The following CHN2 variants were observed in gnomAD, a reference collection of about 807,000 sequenced individuals.
The protein encoded by CHN2 is beta-chimaerin.
In CHN2, 35 loss-of-function variants were observed where a neutral mutation model predicts 56.3. The ratio of observed to expected loss-of-function variants is 0.62; its 90% CI spans 0.47 to 0.82. The LOEUF is 0.82. CHN2 is among the 40% of genes least tolerant of loss of function. CHN2 has a pLI of 0.00. For missense variants in CHN2, 491 were observed against 580.5 expected, an observed-to-expected ratio of 0.85 and a Z score of 1.58; for synonymous variants, 210 against 212.8, an observed-to-expected ratio of 0.99 and a Z score of 0.12.
intron 3 of CHN2, among the ~76,000 whole-genome samples, chr7:29,375,554 G>C (rs960299831): frequency 1.3e-5 from 2 of 152,114 alleles, no homozygotes; most frequent in African/African-American, 4.8e-5. Flanking sequence ...AGTAGAGTTG[G>C]AATACTATGT....
intron 6 of CHN2, among the ~76,000 whole-genome samples, chr7:29,473,482 T>TTTTTTTTG (rs539151442): frequency 1.5e-3 from 176 of 118,184 alleles, no homozygotes; most frequent in African/African-American, 5.2e-3. Context: ...TTTTTTTTTT[T>TTTTTTTTG]TGTGTGTGTG....
intron 6 of CHN2, among the ~76,000 whole-genome samples, chr7:29,453,420 TTGTC>T (rs1398790943): frequency 3.3e-5 from 5 of 152,076 alleles, no homozygotes; most frequent in South Asian, 2.1e-4. Context: ...TTTACAGAAA[TTGTC>T]TGGGAAGGCA....
intron 1 of CHN2, among the ~76,000 whole-genome samples, chr7:29,273,624 A>G (rs1278495924): frequency 6.6e-6 from 1 of 151,790 alleles, no homozygotes; most frequent in African/African-American, 2.4e-5. Context: ...GTACCAGTCT[A>G]CATTCCCCCC....
At chr7:29,494,130 C>T (rs1372540114) in intron 7 of CHN2, among the ~76,000 whole-genome samples, 1 of 152,158 alleles carries the variant, frequency 6.6e-6, no homozygotes, top group Non-Finnish European at 1.5e-5. Flanking sequence ...GTCCCTTTCT[C>T]TTTCCCTGTG....
At chr7:29,467,736 C>G (rs991821694) in intron 6 of CHN2, among the ~76,000 whole-genome samples, 6 of 152,096 alleles carry the variant, frequency 3.9e-5, no homozygotes, top group Admixed American at 2.6e-4. Context: ...ATTAGCTGTG[C>G]AAGCTTGCAT....
chr7:29,206,717 C>T (rs1784547064), intron 1 of CHN2, among the ~76,000 whole-genome samples: 1 of 152,178 alleles, frequency 6.6e-6, no homozygotes, highest in Middle Eastern at 3.4e-3. Context: ...ATAGTGAACA[C>T]TGAAGAAACA....
At chr7:29,441,931 G>A (rs575756688) in intron 6 of CHN2, among the ~76,000 whole-genome samples, 1 of 152,202 alleles carries the variant, frequency 6.6e-6, no homozygotes, top group East Asian at 1.9e-4. Flanking sequence ...ATATCTAGGT[G>A]TATAACCCAC....
At chr7:29,441,326 C>G (rs918639641) in intron 6 of CHN2, among the ~76,000 whole-genome samples, 6 of 152,058 alleles carry the variant, frequency 3.9e-5, no homozygotes, top group African/African-American at 1.5e-4. Context: ...GATCAACAAC[C>G]TAATATTGGA....
rs374043505 is a variant in CHN2, at chr7:29,377,304, G to A, written c.144+9317G>A. Among the ~76,000 whole-genome samples, 18 of 152,206 alleles carry A rather than the reference G, an allele frequency of 1.2e-4. No individual in the cohort carries two copies. The East Asian group carries it at 1.7e-3, about 15-fold the overall frequency. ...CTCCCAGAATGCTGGGATCACAGGCGTGAGCGACCACGCCCCGCCTCAAAT... is the reference window on the plus strand; with the variant it reads ...CTCCCAGAATGCTGGGATCACAGGCATGAGCGACCACGCCCCGCCTCAAAT... On this transcript the variant is annotated intron_variant, in intron 3 of 12. Coordinates refer to ENST00000222792, the MANE Select transcript of CHN2 (RefSeq NM_004067.4).
At position 29,401,063 on chromosome 7, in the gene CHN2, T is replaced by C. The variant is rs1802163271; in HGVS notation, c.576+235T>C. On this transcript the variant is annotated intron_variant, in intron 6 of 12. Coordinates refer to ENST00000222792, the MANE Select transcript of CHN2 (RefSeq NM_004067.4). ...GCAGGTGGATCACGAGGTCAGGAGATAGAGACCATCCTGGCTAACACGGTG... is the reference window on the plus strand; with the variant it reads ...GCAGGTGGATCACGAGGTCAGGAGACAGAGACCATCCTGGCTAACACGGTG... 5.8e-6 allele frequency: 3 copies of C among 512,854 alleles called. No homozygotes were observed. The East Asian group carries it at 1.0e-4, about 18-fold the overall frequency. The allele number at this position is 512,854 out of a possible 1,614,324, so 31.8% of individuals were successfully genotyped here. A position where few individuals can be genotyped will look rare whatever the true frequency, so the allele number is the denominator to read the frequency against.
intron 1 of CHN2, among the ~76,000 whole-genome samples, chr7:29,242,548 T>C (rs1337913029): frequency 1.3e-5 from 2 of 152,084 alleles, no homozygotes; most frequent in Non-Finnish European, 2.9e-5. Flanking sequence ...ATTTTTTTTT[T>C]CTTTCTAGAA....
At chr7:29,281,073 C>G (rs185449695) in intron 1 of CHN2, among the ~76,000 whole-genome samples, 1 of 152,158 alleles carries the variant, frequency 6.6e-6, no homozygotes. Context: ...GAAAATTAAG[C>G]ATATGAATAA....
chr7:29,307,380 G>C (rs976436899), intron 1 of CHN2, among the ~76,000 whole-genome samples: 22 of 152,232 alleles, frequency 1.4e-4, no homozygotes, highest in Non-Finnish European at 2.9e-5. Context: ...AGTATGATTA[G>C]TCAACATCAA....
In CHN2 at chr7:29,318,264, T is replaced by C. The variant is rs150127065; in HGVS notation, c.50-36361T>C. Among the ~76,000 whole-genome samples, 39 of 152,318 alleles carry C rather than the reference T, an allele frequency of 2.6e-4. No homozygotes were observed. In the East Asian group the frequency reaches 6.2e-3, roughly 24 times the overall value. ...CCAACTCCTGGCCTCCACTTGTTTTTGCAAATAAAGTTTTATTGGAACCCA... is the reference window on the plus strand; with the variant it reads ...CCAACTCCTGGCCTCCACTTGTTTTCGCAAATAAAGTTTTATTGGAACCCA... On this transcript the variant is annotated intron_variant, in intron 1 of 12. Transcript: ENST00000222792.
intron 1 of CHN2, among the ~76,000 whole-genome samples, chr7:29,247,685 C>A (rs1230866962): frequency 6.6e-6 from 1 of 152,214 alleles, no homozygotes; most frequent in African/African-American, 2.4e-5. Flanking sequence ...CCTCACGAAC[C>A]CTGCCCTTTC....
At chr7:29,261,516 ACG>A (rs1048309751) in intron 1 of CHN2, among the ~76,000 whole-genome samples, 1 of 147,754 alleles carries the variant, frequency 6.8e-6, no homozygotes, top group African/African-American at 2.5e-5. Flanking sequence ...TAGCCCACAC[ACG>A]TTGTCTGGAG....
chr7:29,355,643 G>A (rs974248397), intron 2 of CHN2, among the ~76,000 whole-genome samples: 2 of 151,886 alleles, frequency 1.3e-5, no homozygotes, highest in African/African-American at 4.8e-5. Context: ...CTCTGCTTCT[G>A]CTGTCATCAT....
At chr7:29,166,568 A>G (rs556251219) in intron 2 of CHN2, among the ~76,000 whole-genome samples, 1 of 152,106 alleles carries the variant, frequency 6.6e-6, no homozygotes, top group African/African-American at 2.4e-5. Flanking sequence ...CAGGTAATCT[A>G]TGTCTTCTTG....
chr7:29,172,071 A>T (rs1796675979), intron 2 of CHN2, among the ~76,000 whole-genome samples: 1 of 152,198 alleles, frequency 6.6e-6, no homozygotes, highest in African/African-American at 2.4e-5. Flanking sequence ...GCCAAATCAG[A>T]TGTAGGGTCA....
Sources: gnomAD v4.1 joint callset for allele counts (sites outside exome capture counted in the v4.1 genomes callset) on GRCh38, gnomAD v4.1.1 for gene constraint, MANE v1.5 for transcripts, NCBI Gene and HGNC (gene_info 2026-07-23, HGNC 2026-07-21) for gene names.